The following CCDC138 variants were observed in gnomAD, a reference collection of about 807,000 sequenced individuals.
The protein encoded by CCDC138 is coiled-coil domain-containing protein 138.
CCDC138 carries 66 observed loss-of-function variants against 82.3 expected under a neutral mutation model. That is an observed-to-expected ratio of 0.80 (90% CI 0.66 to 0.98). The LOEUF (loss-of-function observed/expected upper bound fraction) is 0.98. CCDC138 is among the 50% of genes least tolerant of loss of function. CCDC138 has a pLI of 0.00. For synonymous variants in CCDC138, 297 were observed against 265.4 expected, an observed-to-expected ratio of 1.12 and a Z score of -1.16; for missense variants, 816 against 758.9, an observed-to-expected ratio of 1.08 and a Z score of -0.88.
intron 4 of CCDC138, among the ~76,000 whole-genome samples, chr2:108,792,150 G>A (rs1054411692): frequency 1.3e-5 from 2 of 152,178 alleles, no homozygotes; most frequent in Non-Finnish European, 2.9e-5. Flanking sequence ...AGTTTTCTGT[G>A]TATCTGGCTG....
intron 9 of CCDC138, 25 bp downstream of exon 9, chr2:108,812,952 T>C (rs1257689963): frequency 1.2e-6 from 2 of 1,607,808 alleles, no homozygotes; most frequent in African/African-American, 1.3e-5. Context: ...TGATTTGATA[T>C]GATTGAAAAT....
intron 4 of CCDC138, among the ~76,000 whole-genome samples, chr2:108,793,177 G>A (rs1680211639): frequency 6.7e-6 from 1 of 150,070 alleles, no homozygotes; most frequent in African/African-American, 2.5e-5. Context: ...CTAACACGGT[G>A]AAACCCTGTC....
chr2:108,825,512 T>C (rs1393765001), intron 10 of CCDC138, among the ~76,000 whole-genome samples: 1 of 152,190 alleles, frequency 6.6e-6, no homozygotes, highest in East Asian at 1.9e-4. Context: ...ATCTGCTTTC[T>C]GTCTTTATAG....
At chr2:108,787,981 CAG>C (rs748365704) in intron 1 of CCDC138, 49 bp from the exon 2 acceptor site, 30 of 1,353,580 alleles carry the variant, frequency 2.2e-5, no homozygotes, top group Non-Finnish European at 2.9e-5. Context: ...TATTTTGAGA[CAG>C]TAAATTGATT....
intron 10 of CCDC138, among the ~76,000 whole-genome samples, chr2:108,821,741 T>TC (rs1685739193): frequency 6.6e-6 from 1 of 151,966 alleles, no homozygotes; most frequent in Non-Finnish European, 1.5e-5. Flanking sequence ...GGTCAGAAGT[T>TC]CAAGACCAGC....
intron 10 of CCDC138, among the ~76,000 whole-genome samples, chr2:108,830,187 G>A (rs181479454): frequency 1.2e-4 from 19 of 152,258 alleles, no homozygotes; most frequent in Admixed American, 4.6e-4. Context: ...TTCTGCTTCC[G>A]TGCATGCAGT....
chr2:108,871,367 TATTAAAAAAAAAA>T (rs1695205389), intron 13 of CCDC138, among the ~76,000 whole-genome samples: 1 of 43,850 alleles, frequency 2.3e-5, no homozygotes, highest in Non-Finnish European at 4.0e-5. Context: ...ACCCCAACTC[TATTAAAAAAAAAA>T]AAAAAAAAAA....
intron 11 of CCDC138, among the ~76,000 whole-genome samples, chr2:108,844,419 TG>T (rs35287501): frequency 0.6 from 91,062 of 152,060 alleles, 31,845 homozygotes; most frequent in East Asian, 0.89. Context: ...ATGTCTTCTT[TG>T]GTAAGACTTT....
rs35540493 is a variant in CCDC138, at chr2:108,857,066, C to CTTTT, written c.1693+124_1693+127dup. The CTTTT allele has an allele frequency of 3.0e-3, 132 of 44,096 alleles. 16 individuals are homozygous for CTTTT. The highest frequency in any genetic ancestry group is 7.0e-3 in the African/African-American group (57 of 8,088). The allele number at this position is 44,096 out of a possible 1,614,324, so 2.7% of individuals were successfully genotyped here. ...TAACTCCACATATCAGATACTATTG[C>CTTTT]TTTTTTTTTTTTTTTTTTTTTTTTT... On this transcript the variant is annotated intron_variant, in intron 13 of 14. Coordinates refer to ENST00000295124, the MANE Select transcript of CCDC138 (RefSeq NM_144978.3).
At chr2:108,837,723 A>T (rs1242101810) in intron 10 of CCDC138, among the ~76,000 whole-genome samples, 1 of 152,164 alleles carries the variant, frequency 6.6e-6, no homozygotes, top group Non-Finnish European at 1.5e-5. Flanking sequence ...TTACTGGTTT[A>T]TGTATTTACT....
chr2:108,853,435 C>CT (rs1271233229), intron 12 of CCDC138, among the ~76,000 whole-genome samples: 2 of 151,744 alleles, frequency 1.3e-5, no homozygotes, highest in Non-Finnish European at 2.9e-5. Flanking sequence ...TTAATAAAAC[C>CT]TTCAATATAT....
intron 10 of CCDC138, among the ~76,000 whole-genome samples, chr2:108,838,745 A>C (rs555924240): frequency 4.1e-4 from 63 of 152,184 alleles, no homozygotes; most frequent in Middle Eastern, 3.2e-3. Flanking sequence ...AAATCCTTTC[A>C]TATATCTTTT....
Position 108,788,983 on chromosome 2 carries a change from C to G in CCDC138, c.266+17C>G. On this transcript the variant is annotated intron_variant, in intron 3 of 14. Transcript: ENST00000295124. Reference sequence around the variant, plus strand: ...TGTGAATTGGTAAAGTACCCTGAAACTTTACTGTTGCTACCCCCTCAGTAT... The same window carrying G: ...TGTGAATTGGTAAAGTACCCTGAAAGTTTACTGTTGCTACCCCCTCAGTAT... The G allele has an allele frequency of 6.2e-7, 1 of 1,613,328 alleles. No individual in the cohort carries two copies. The highest frequency in any genetic ancestry group is 8.5e-7 in the Non-Finnish European group (1 of 1,179,634).
At chr2:108,834,006 A>G (rs1360261122) in intron 10 of CCDC138, among the ~76,000 whole-genome samples, 2 of 144,328 alleles carry the variant, frequency 1.4e-5, no homozygotes, top group African/African-American at 5.2e-5. Context: ...TCGGCCTCCC[A>G]AAGTGCTGGG....
chr2:108,834,611 A>C (rs1196037039), intron 10 of CCDC138, among the ~76,000 whole-genome samples: 1 of 152,216 alleles, frequency 6.6e-6, no homozygotes, highest in African/African-American at 2.4e-5. Context: ...TGCATAGCTT[A>C]ATATTTATCA....
At chr2:108,852,253 A>C (rs1262108911) in intron 12 of CCDC138, among the ~76,000 whole-genome samples, 1 of 152,242 alleles carries the variant, frequency 6.6e-6, no homozygotes, top group Non-Finnish European at 1.5e-5. Context: ...TTTAACTGTA[A>C]GATACAACTC....
intron 12 of CCDC138, among the ~76,000 whole-genome samples, chr2:108,854,966 T>C (rs1558740367): frequency 6.6e-6 from 1 of 152,234 alleles, no homozygotes; most frequent in Non-Finnish European, 1.5e-5. Flanking sequence ...TATTTCATAC[T>C]GATTAAGATC....
chr2:108,861,962 A>G (rs918475368), intron 13 of CCDC138, among the ~76,000 whole-genome samples: 1 of 152,026 alleles, frequency 6.6e-6, no homozygotes. Flanking sequence ...CCCAAAAGTC[A>G]TTCGGGAGTA....
downstream of CCDC138, among the ~76,000 whole-genome samples, chr2:108,879,297 G>T (rs949806332): frequency 2.0e-5 from 3 of 152,236 alleles, no homozygotes; most frequent in African/African-American, 4.8e-5. Context: ...AATTATCAAA[G>T]AATTCTTTTT....
Sources: gnomAD v4.1 joint callset for allele counts (sites outside exome capture counted in the v4.1 genomes callset) on GRCh38, gnomAD v4.1.1 for gene constraint, MANE v1.5 for transcripts, NCBI Gene and HGNC (gene_info 2026-07-23, HGNC 2026-07-21) for gene names.